RBFOX1: variants seen among roughly 807,000 people sequenced by gnomAD.
RBFOX1 encodes the protein RNA binding protein fox-1 homolog 1.
RBFOX1 carries 8 observed loss-of-function variants against 57.7 expected under a neutral mutation model. The ratio of observed to expected loss-of-function variants is 0.14; its 90% CI spans 0.08 to 0.25. The LOEUF is 0.25. Ranked by LOEUF, RBFOX1 falls within the 10% of genes least tolerant of loss-of-function variation. The pLI is 1.00. For missense variants in RBFOX1, 611 were observed against 548.5 expected, an observed-to-expected ratio of 1.11 and a Z score of -1.14; for synonymous variants, 326 against 222.4, an observed-to-expected ratio of 1.47 and a Z score of -4.15.
At chr16:5,971,477 A>G (rs1271284278) in intron 4 of RBFOX1, among the ~76,000 whole-genome samples, 1 of 152,226 alleles carries the variant, frequency 6.6e-6, no homozygotes, top group Non-Finnish European at 1.5e-5. Context: ...TAAATTATCT[A>G]TCATTTGGAG....
Position 5,268,195 on chromosome 16 carries a change from T to C in RBFOX1, c.219+28090T>C, listed in dbSNP as rs763181854. On this transcript the variant is annotated intron_variant, in intron 1 of 2. Transcript: ENST00000585867. ...CCTTGATCGGCTTCATCCTGCAGCC[T>C]CTACTAGAATGAAGAACACTTTTTT... Among the ~76,000 whole-genome samples the C allele has an allele frequency of 7.2e-5, 11 of 152,340 alleles. 2 individuals carry two copies. The Middle Eastern group carries it at 0.02, about 283-fold the overall frequency.
At chr16:5,431,439 A>C (rs1428515825) in intron 1 of RBFOX1, among the ~76,000 whole-genome samples, 2 of 151,998 alleles carry the variant, frequency 1.3e-5, no homozygotes, top group African/African-American at 4.8e-5. Flanking sequence ...CAGTGGCATG[A>C]TCTCGGCTCA....
intron 4 of RBFOX1, among the ~76,000 whole-genome samples, chr16:7,513,238 G>C (rs1478598920): frequency 6.7e-6 from 1 of 150,326 alleles, no homozygotes; most frequent in Non-Finnish European, 1.5e-5. Context: ...ACTCCAGCTT[G>C]GGTAACAGGA....
chr16:5,513,726 A>G (rs1386425131), intron 2 of RBFOX1, among the ~76,000 whole-genome samples: 4 of 152,204 alleles, frequency 2.6e-5, no homozygotes, highest in Admixed American at 6.5e-5. Flanking sequence ...TTATAATCCA[A>G]TACTACATTA....
chr16:6,756,289 AG>A (rs2075776145), intron 3 of RBFOX1, among the ~76,000 whole-genome samples: 1 of 152,200 alleles, frequency 6.6e-6, no homozygotes, highest in East Asian at 1.9e-4. Flanking sequence ...GAGTGAAACA[AG>A]ACCCTATTTC....
At chr16:6,686,387 T>C (rs1219868665) in intron 3 of RBFOX1, among the ~76,000 whole-genome samples, 1 of 152,186 alleles carries the variant, frequency 6.6e-6, no homozygotes, top group African/African-American at 2.4e-5. Flanking sequence ...GGCCATTCAG[T>C]TTCATGTCGA....
chr16:6,098,369 C>T (rs1260536312), intron 1 of RBFOX1, among the ~76,000 whole-genome samples: 1 of 152,192 alleles, frequency 6.6e-6, no homozygotes, highest in Non-Finnish European at 1.5e-5. Context: ...ACCTTTGAGC[C>T]CCCAAGCCTG....
chr16:7,130,967 G>A (rs1405774725), intron 4 of RBFOX1, among the ~76,000 whole-genome samples: 2 of 152,174 alleles, frequency 1.3e-5, no homozygotes, highest in Non-Finnish European at 2.9e-5. Context: ...ATAAGTGAAG[G>A]TGATCAGTTT....
intron 2 of RBFOX1, among the ~76,000 whole-genome samples, chr16:5,518,134 A>C (rs567383224): frequency 1.3e-5 from 2 of 152,238 alleles, no homozygotes; most frequent in East Asian, 3.8e-4. Flanking sequence ...ACAAATTTAT[A>C]AATTAAATGC....
chr16:6,788,159 T>C lies in RBFOX1; in HGVS notation c.-16+133509T>C, dbSNP rs553279241. ...ACCGCTTGAACCTGGGAGGCGGATG[T>C]TGGAGTGAGCTGAGATCGTGCCAGT... On this transcript the variant is annotated intron_variant, in intron 3 of 15. Transcript: ENST00000550418. Among the ~76,000 whole-genome samples the C allele has an allele frequency of 9.9e-5, 15 of 152,268 alleles. No individual in the cohort carries two copies. The South Asian group carries it at 2.1e-3, about 21-fold the overall frequency.
chr16:6,113,118 C>T (rs767876650), intron 1 of RBFOX1, among the ~76,000 whole-genome samples: 6 of 152,116 alleles, frequency 3.9e-5, no homozygotes, highest in Non-Finnish European at 8.8e-5. Context: ...TGTGGCTAGT[C>T]CGGACTGGAT....
At chr16:6,971,167 T>G (rs2085449393) in intron 3 of RBFOX1, among the ~76,000 whole-genome samples, 1 of 152,064 alleles carries the variant, frequency 6.6e-6, no homozygotes, top group Non-Finnish European at 1.5e-5. Flanking sequence ...GGAAGGAAAT[T>G]ATTGGGAAAA....
chr16:6,812,093 G>A (rs2088796959), intron 3 of RBFOX1, among the ~76,000 whole-genome samples: 1 of 152,092 alleles, frequency 6.6e-6, no homozygotes, highest in South Asian at 2.1e-4. Flanking sequence ...GACTCCATAT[G>A]ATGAAGAAGC....
intron 1 of RBFOX1, among the ~76,000 whole-genome samples, chr16:6,034,351 A>AG (rs1555481269): frequency 6.8e-6 from 1 of 146,364 alleles, no homozygotes; most frequent in Non-Finnish European, 1.5e-5. Context: ...AAAAAAAAAA[A>AG]AAAAAAGAAA....
chr16:5,933,787 T>G (rs1049880550), intron 4 of RBFOX1, among the ~76,000 whole-genome samples: 3 of 144,618 alleles, frequency 2.1e-5, no homozygotes, highest in East Asian at 2.2e-4. Flanking sequence ...TGTTTTTTTT[T>G]GTTTTTTTTT....
At position 6,487,673 on chromosome 16, in the gene RBFOX1, TAAA is replaced by T. The variant is rs777856402; in HGVS notation, c.-63-166904_-63-166902del. On this transcript the variant is annotated intron_variant, in intron 2 of 15. Coordinates refer to ENST00000550418, the MANE Select transcript of RBFOX1 (RefSeq NM_018723.4). ...CTTCCAAAGATGGCAGTGATATATG[TAAA>T]AAAAAAAAAAAAAAAAAAAAAAAAA... Among the ~76,000 whole-genome samples the T allele has an allele frequency of 6.3e-3, 245 of 38,648 alleles. 3 individuals carry two copies. The highest frequency in any genetic ancestry group is 0.028 in the African/African-American group (208 of 7,420). The allele number at this position is 38,648 out of a possible 152,430, so 25.4% of individuals were successfully genotyped here. A position where few individuals can be genotyped will look rare whatever the true frequency, so the allele number is the denominator to read the frequency against.
At chr16:7,464,450 T>A (rs1194240834) in intron 4 of RBFOX1, among the ~76,000 whole-genome samples, 2 of 151,754 alleles carry the variant, frequency 1.3e-5, no homozygotes, top group Non-Finnish European at 2.9e-5. Context: ...GCAAAATGGA[T>A]CAGGAGGATT....
intron 3 of RBFOX1, among the ~76,000 whole-genome samples, chr16:5,784,917 T>A (rs1322190969): frequency 6.6e-6 from 1 of 152,138 alleles, no homozygotes; most frequent in Non-Finnish European, 1.5e-5. Context: ...GAGCAACAGA[T>A]TTCTCTTGTT....
chr16:7,450,224 T>A (rs979110727), intron 4 of RBFOX1, among the ~76,000 whole-genome samples: 13 of 151,936 alleles, frequency 8.6e-5, no homozygotes, highest in African/African-American at 3.1e-4. Flanking sequence ...TGAAACCCCA[T>A]CTGTAATAAA....
Sources: gnomAD v4.1 joint callset for allele counts (sites outside exome capture counted in the v4.1 genomes callset) on GRCh38, gnomAD v4.1.1 for gene constraint, MANE v1.5 for transcripts, NCBI Gene and HGNC (gene_info 2026-07-23, HGNC 2026-07-21) for gene names.